TMC1: variants seen among roughly 807,000 people sequenced by gnomAD.
TMC1 encodes the protein transmembrane channel-like protein 1.
TMC1 carries 84 observed loss-of-function variants against 105.8 expected under a neutral mutation model. The ratio of observed to expected loss-of-function variants is 0.79; its 90% confidence interval spans 0.67 to 0.95. The LOEUF is 0.95. TMC1 is among the 40% of genes least tolerant of loss of function. The pLI is 0.00. For missense variants in TMC1, 817 were observed against 914.1 expected, an observed-to-expected ratio of 0.89 and a Z score of 1.37; for synonymous variants, 315 against 311.5, an observed-to-expected ratio of 1.01 and a Z score of -0.12.
chr9:72,624,283 G>A lies in TMC1; in HGVS notation c.-195-3638G>A, dbSNP rs567850106. The stretch of plus-strand genomic sequence containing the variant: ...GAACTGGGGTGGCTAAAGACGGCCC[G>A]GCTAAAAGGCAGGATGGATCATCCT... On this transcript the variant is annotated intron_variant, in intron 3 of 23. Coordinates refer to ENST00000297784, the MANE Select transcript of TMC1 (RefSeq NM_138691.3). Among the ~76,000 whole-genome samples the A allele has an allele frequency of 7.9e-5, 12 of 152,258 alleles. No homozygotes were observed. The South Asian group carries it at 2.1e-3, about 26-fold the overall frequency.
At chr9:72,648,745 T>A in intron 5 of TMC1, 81 bp downstream of exon 5, 4 of 1,333,430 alleles carry the variant, frequency 3.0e-6, no homozygotes, top group Non-Finnish European at 4.3e-6. Flanking sequence ...TTGGAAAGTT[T>A]GTTTTACAAT....
At chr9:72,780,866 G>A (rs545905773) in intron 13 of TMC1, among the ~76,000 whole-genome samples, 8 of 152,088 alleles carry the variant, frequency 5.3e-5, no homozygotes, top group Non-Finnish European at 8.8e-5. Flanking sequence ...CACAATAATA[G>A]CAAGAGAGTT....
At chr9:72,538,056 T>C (rs1399158919) in intron 1 of TMC1, among the ~76,000 whole-genome samples, 2 of 150,680 alleles carry the variant, frequency 1.3e-5, no homozygotes, top group Non-Finnish European at 2.9e-5. Context: ...CTCGAGAGAC[T>C]GGGGCAGGAG....
chr9:72,805,133 T>C, intron 17 of TMC1: 2 of 377,006 alleles, frequency 5.3e-6, no homozygotes, highest in South Asian at 3.0e-5. Context: ...GGCTCTCGTA[T>C]CATGTTTATG....
intron 2 of TMC1, among the ~76,000 whole-genome samples, chr9:72,583,164 A>G (rs1246093970): frequency 2.6e-5 from 4 of 151,922 alleles, no homozygotes; most frequent in Non-Finnish European, 4.4e-5. Context: ...GGAGGTTGCA[A>G]TGAGCTGAGA....
chr9:72,701,969 C>T (rs1826653252), intron 8 of TMC1, among the ~76,000 whole-genome samples: 2 of 152,094 alleles, frequency 1.3e-5, no homozygotes, highest in African/African-American at 4.8e-5. Flanking sequence ...TCCTACGTTC[C>T]ACAGAGCTAC....
At chr9:72,559,454 C>T (rs1182854760) in intron 1 of TMC1, among the ~76,000 whole-genome samples, 6 of 151,930 alleles carry the variant, frequency 3.9e-5, no homozygotes, top group African/African-American at 1.5e-4. Flanking sequence ...CCCACCGATG[C>T]CCATAATCTT....
intron 1 of TMC1, among the ~76,000 whole-genome samples, chr9:72,546,463 A>C (rs1823770157): frequency 6.6e-6 from 1 of 152,204 alleles, no homozygotes; most frequent in African/African-American, 2.4e-5. Flanking sequence ...GGATTCAAAC[A>C]TTGTCCTTTT....
At chr9:72,768,242 A>G (rs1421361874) in intron 12 of TMC1, among the ~76,000 whole-genome samples, 1 of 150,150 alleles carries the variant, frequency 6.7e-6, no homozygotes, top group African/African-American at 2.4e-5. Context: ...CAAACACCAC[A>G]TGTTCTCACT....
At chr9:72,530,014 T>C (rs1587940033) in intron 1 of TMC1, among the ~76,000 whole-genome samples, 2 of 152,056 alleles carry the variant, frequency 1.3e-5, no homozygotes, top group East Asian at 3.9e-4. Context: ...GGGAGCAAGG[T>C]AAAACCCAGA....
At chr9:72,634,070 T>A (rs1180709573) in intron 4 of TMC1, among the ~76,000 whole-genome samples, 5 of 152,256 alleles carry the variant, frequency 3.3e-5, no homozygotes, top group Middle Eastern at 3.4e-3. Context: ...CTAGGGTTTT[T>A]AAGGATAATT....
In TMC1 at chr9:72,792,039, G is replaced by T; in HGVS notation, c.1378G>T (p.Ala460Ser). The T allele has an allele frequency of 6.2e-7, 1 of 1,614,060 alleles. No homozygotes were observed. Among genetic ancestry groups the T allele is most frequent in the Non-Finnish European group, 8.5e-7 (1 of 1,180,000 alleles). Reference protein sequence around the residue: ...LLGNLYVFILALMDEINNKIE... With the variant: ...LLGNLYVFILSLMDEINNKIE... ...AGGCAATTTATACGTATTTATTCTTGCATTAATGGATGAGATTAACAACAA... is the reference window on the plus strand; with the variant it reads ...AGGCAATTTATACGTATTTATTCTTTCATTAATGGATGAGATTAACAACAA... Residue 460 changes from alanine (A) to serine (S), a missense_variant, in exon 16 of 24, where the codon GCA becomes TCA. Physicochemically the swap from Ala to Ser is moderately conservative, Grantham distance 99. Coordinates refer to ENST00000297784, the MANE Select transcript of TMC1 (RefSeq NM_138691.3).
chr9:72,616,985 G>C (rs1002917730), intron 3 of TMC1, among the ~76,000 whole-genome samples: 8 of 152,040 alleles, frequency 5.3e-5, no homozygotes, highest in African/African-American at 1.9e-4. Flanking sequence ...ATTATATAAG[G>C]ACTATAATCA....
chr9:72,551,207 A>T (rs1823855770), intron 1 of TMC1, among the ~76,000 whole-genome samples: 1 of 152,180 alleles, frequency 6.6e-6, no homozygotes, highest in Non-Finnish European at 1.5e-5. Context: ...TTGATTTTGA[A>T]CTTCTGACTT....
intron 1 of TMC1, among the ~76,000 whole-genome samples, chr9:72,576,516 T>C (rs1165094297): frequency 6.7e-6 from 1 of 149,908 alleles, no homozygotes; most frequent in Non-Finnish European, 1.5e-5. Context: ...CCAACGACTG[T>C]ACACAGAGCT....
chr9:72,636,528 T>G (rs1825536520), intron 4 of TMC1, among the ~76,000 whole-genome samples: 1 of 151,716 alleles, frequency 6.6e-6, no homozygotes, highest in African/African-American at 2.4e-5. Context: ...GAAACCCACA[T>G]GGTGAAACAT....
At chr9:72,701,472 C>T (rs1351446351) in intron 8 of TMC1, among the ~76,000 whole-genome samples, 1 of 152,214 alleles carries the variant, frequency 6.6e-6, no homozygotes, top group Non-Finnish European at 1.5e-5. Context: ...TTTGTGATAA[C>T]AGCCATGTTT....
At chr9:72,731,439 A>G (rs1588054312) in intron 8 of TMC1, among the ~76,000 whole-genome samples, 1 of 152,218 alleles carries the variant, frequency 6.6e-6, no homozygotes, top group East Asian at 1.9e-4. Flanking sequence ...AAGATAAAGA[A>G]AAGGAAGAAA....
At chr9:72,801,671 C>T (rs942309154) in intron 17 of TMC1, among the ~76,000 whole-genome samples, 20 of 152,166 alleles carry the variant, frequency 1.3e-4, no homozygotes, top group Non-Finnish European at 1.5e-4. Context: ...ACTAACATCA[C>T]GTGTGCAAAG....
Sources: gnomAD v4.1 joint callset for allele counts (sites outside exome capture counted in the v4.1 genomes callset) on GRCh38, gnomAD v4.1.1 for gene constraint, MANE v1.5 for transcripts, NCBI Gene and HGNC (gene_info 2026-07-23, HGNC 2026-07-21) for gene names.